DGLUCY: variants seen among roughly 807,000 people sequenced by gnomAD.
DGLUCY encodes the protein D-glutamate cyclase, mitochondrial.
In DGLUCY, 58 loss-of-function variants were observed where a neutral mutation model predicts 58.5. That is an observed-to-expected ratio of 0.99 (90% CI 0.80 to 1.23). DGLUCY has a LOEUF of 1.23. Among genes scored for constraint, DGLUCY ranks in the 50% most tolerant of loss-of-function variants. DGLUCY has a pLI of 0.00. For synonymous variants in DGLUCY, 325 were observed against 314.1 expected, an observed-to-expected ratio of 1.03 and a Z score of -0.37; for missense variants, 779 against 784.7, an observed-to-expected ratio of 0.99 and a Z score of 0.09.
At chr14:91,163,361 C>G (rs1174800684) in intron 3 of DGLUCY, among the ~76,000 whole-genome samples, 1 of 152,242 alleles carries the variant, frequency 6.6e-6, no homozygotes, top group African/African-American at 2.4e-5. Context: ...GCCAAATCCC[C>G]TCCCACCTCG....
upstream of DGLUCY, among the ~76,000 whole-genome samples, chr14:91,106,864 A>G (rs1358078822): frequency 6.6e-6 from 1 of 152,228 alleles, no homozygotes; most frequent in African/African-American, 2.4e-5. Flanking sequence ...GAAAATCTTG[A>G]TTCACCCAGA....
In DGLUCY at chr14:91,114,212, C is replaced by T. The variant is rs553328852; in HGVS notation, c.-153C>T. 6.6e-5 allele frequency: 10 copies of T among 152,358 alleles called. No homozygotes were observed. The highest frequency in any genetic ancestry group is 1.5e-4 in the Non-Finnish European group (10 of 68,148). 9.4% of individuals were successfully genotyped at this position (152,358 alleles called of 1,614,324 possible). ...CCTTTATGCCCTTTTGAGGGAAGCA[C>T]ACATTCTGCAAGGCCGTGGAAACAA... On this transcript the variant is annotated 5_prime_UTR_variant, in exon 1 of 14. Coordinates refer to ENST00000256324, the MANE Select transcript of DGLUCY (RefSeq NM_001102368.3).
intron 1 of DGLUCY, among the ~76,000 whole-genome samples, chr14:91,152,718 G>A (rs1179637964): frequency 6.6e-6 from 1 of 152,148 alleles, no homozygotes; most frequent in African/African-American, 2.4e-5. Context: ...TACTCATTTT[G>A]TTCTTCCATT....
intron 8 of DGLUCY, among the ~76,000 whole-genome samples, chr14:91,184,619 G>A (rs1375071789): frequency 1.9e-5 from 2 of 103,388 alleles, no homozygotes; most frequent in African/African-American, 8.5e-5. Flanking sequence ...GATTCTGGAA[G>A]GAAGGAAGGA....
chr14:91,132,525 C>T (rs934491057), intron 1 of DGLUCY, among the ~76,000 whole-genome samples: 2 of 151,138 alleles, frequency 1.3e-5, no homozygotes, highest in Admixed American at 1.3e-4. Context: ...GTCACCCAGG[C>T]TGGAGTGCAG....
At chr14:91,101,626 T>C (rs2044488438) in intron 1 of DGLUCY, among the ~76,000 whole-genome samples, 1 of 152,248 alleles carries the variant, frequency 6.6e-6, no homozygotes. Context: ...AATTGGCTTA[T>C]GGACGCATTC....
At chr14:91,083,415 G>T (rs2044159705) in intron 1 of DGLUCY, among the ~76,000 whole-genome samples, 1 of 151,902 alleles carries the variant, frequency 6.6e-6, no homozygotes, top group Non-Finnish European at 1.5e-5. Context: ...CCAGCTACTT[G>T]GGAGGCTGAG....
rs111530358 is a variant in DGLUCY at position 91,224,548 on chromosome 14, C to T, written c.1717-136C>T. On this transcript the variant is annotated intron_variant, in intron 13 of 13. Transcript: ENST00000256324. ...CATGACTTTTCCAATGGTATTAGTA[C>T]TTTAAACCAAAATTTTACTTTTTTA... 3,707 of 1,042,444 alleles carry T rather than the reference C, an allele frequency of 3.6e-3. 51 individuals are homozygous for T. Among genetic ancestry groups the T allele is most frequent in the South Asian group, 0.032 (1,737 of 53,460 alleles). The allele number at this position is 1,042,444 out of a possible 1,614,324, so 64.6% of individuals were successfully genotyped here. A position where few individuals can be genotyped will look rare whatever the true frequency, so the allele number is the denominator to read the frequency against.
At position 91,160,283 on chromosome 14, in the gene DGLUCY, C is replaced by G; in HGVS notation, c.-12C>G. ...TCACCCAGATTCTCTGCTACTTATT[C>G]AAGTTGACACGATGCCCTTCACACT... On this transcript the variant is annotated 5_prime_UTR_variant, in exon 3 of 14. Coordinates refer to ENST00000256324, the MANE Select transcript of DGLUCY (RefSeq NM_001102368.3). The G allele has an allele frequency of 6.3e-7, 1 of 1,599,846 alleles. No homozygotes were observed. The highest frequency in any genetic ancestry group is 8.6e-7 in the Non-Finnish European group (1 of 1,167,320).
chr14:91,071,136 T>C (rs1194790541), intron 1 of DGLUCY, among the ~76,000 whole-genome samples: 1 of 150,570 alleles, frequency 6.6e-6, no homozygotes, highest in Admixed American at 6.6e-5. Flanking sequence ...ATAGAGACCA[T>C]CCTGGCAAAC....
intron 1 of DGLUCY, among the ~76,000 whole-genome samples, chr14:91,150,848 C>G (rs933726154): frequency 6.6e-6 from 1 of 152,184 alleles, no homozygotes; most frequent in African/African-American, 2.4e-5. Context: ...GTGTACAGTT[C>G]TGTGGCATTA....
intron 1 of DGLUCY, among the ~76,000 whole-genome samples, chr14:91,066,064 T>TA (rs1458323206): frequency 1.3e-5 from 2 of 152,130 alleles, no homozygotes; most frequent in Admixed American, 1.3e-4. Context: ...ACCTTGAAAA[T>TA]ATGTTTCTTC....
At chr14:91,077,459 A>T (rs2044043019) in intron 1 of DGLUCY, among the ~76,000 whole-genome samples, 1 of 151,578 alleles carries the variant, frequency 6.6e-6, no homozygotes, top group Admixed American at 6.6e-5. Context: ...AGAACAAAGA[A>T]AAAACAAAAA....
intron 1 of DGLUCY, among the ~76,000 whole-genome samples, chr14:91,070,960 A>G (rs1373457903): frequency 6.6e-6 from 1 of 152,184 alleles, no homozygotes; most frequent in East Asian, 1.9e-4. Context: ...TTAAAGGACA[A>G]TGAAGCAAGG....
chr14:91,217,386 TTGGG>T (rs1595950100), intron 13 of DGLUCY, among the ~76,000 whole-genome samples: 2 of 151,994 alleles, frequency 1.3e-5, no homozygotes, highest in African/African-American at 4.8e-5. Context: ...GAGCCCGAGA[TTGGG>T]TGGGTGGTCG....
intron 1 of DGLUCY, among the ~76,000 whole-genome samples, chr14:91,144,142 A>G (rs915707390): frequency 6.6e-6 from 1 of 152,246 alleles, no homozygotes; most frequent in African/African-American, 2.4e-5. Flanking sequence ...TCAAGCATTC[A>G]GCCCAGAGCC....
intron 13 of DGLUCY, chr14:91,215,943 A>G: frequency 2.7e-6 from 1 of 369,088 alleles, no homozygotes; most frequent in South Asian, 2.2e-5. Flanking sequence ...CCCTCCAAGG[A>G]ATTCACCACC....
intron 11 of DGLUCY, among the ~76,000 whole-genome samples, chr14:91,201,279 T>C (rs1447545259): frequency 1.1e-4 from 17 of 150,334 alleles, no homozygotes; most frequent in Non-Finnish European, 1.3e-4. Flanking sequence ...ATGGCTTAGC[T>C]TGGGCTCAGA....
chr14:91,213,797 T>C (rs1289502402), intron 12 of DGLUCY, among the ~76,000 whole-genome samples: 2 of 152,102 alleles, frequency 1.3e-5, no homozygotes, highest in African/African-American at 4.8e-5. Flanking sequence ...CCTCCCGGGT[T>C]CAAGTGGTTT....
Sources: allele counts gnomAD v4.1 joint callset (sites outside exome capture counted in the v4.1 genomes callset), GRCh38; gene constraint gnomAD v4.1.1; transcripts MANE v1.5; gene names NCBI Gene and HGNC (gene_info 2026-07-23, HGNC 2026-07-21).